NGFR: variants seen among roughly 807,000 people sequenced by gnomAD.
The protein encoded by NGFR is tumor necrosis factor receptor superfamily member 16.
Under a neutral mutation model 43.2 loss-of-function variants are expected in NGFR, and 30 were observed. The observed-to-expected ratio is 0.69, with a 90% confidence interval of 0.52 to 0.94. The LOEUF is 0.94. Ranked by LOEUF, NGFR falls within the 40% of genes least tolerant of loss-of-function variation. The probability of loss-of-function intolerance (pLI) is 0.00; values close to 1 mark genes in which losing one functional copy is unlikely to be tolerated. For synonymous variants in NGFR, 246 were observed against 259.6 expected, an observed-to-expected ratio of 0.95 and a Z score of 0.50; for missense variants, 529 against 602.5, an observed-to-expected ratio of 0.88 and a Z score of 1.28.
rs1444386886 is a variant in NGFR at position 49,514,050 on chromosome 17, A to T, written c.*1041A>T. 2 of 152,328 alleles carry T rather than the reference A, an allele frequency of 1.3e-5. No individual in the cohort carries two copies. Among genetic ancestry groups the T allele is most frequent in the Non-Finnish European group, 2.9e-5 (2 of 68,156 alleles). 9.4% of individuals were successfully genotyped at this position (152,328 alleles called of 1,614,324 possible). ...GGACCCCTCACCTTGCAACACACAG[A>T]CACACGCACACACACACACAGGAGG... On this transcript the variant is annotated 3_prime_UTR_variant, in exon 6 of 6. Coordinates refer to ENST00000172229, the MANE Select transcript of NGFR (RefSeq NM_002507.4).
At chr17:49,498,860 C>A (rs184574664) in intron 1 of NGFR, among the ~76,000 whole-genome samples, 2 of 152,166 alleles carry the variant, frequency 1.3e-5, no homozygotes, top group Admixed American at 6.5e-5. Context: ...TTAGTCACCC[C>A]TCCCTACTTG....
chr17:49,506,687 T>TGGGGGGG, intron 3 of NGFR, 29 bp downstream of exon 3: 1 of 128,682 alleles, frequency 7.8e-6, no homozygotes, highest in Non-Finnish European at 1.1e-5. Context: ...GCGGGGGGAG[T>TGGGGGGG]GGGGGTGCGG....
rs754805007 is a variant in NGFR, at chr17:49,512,999, C to T, written c.1274C>T (p.Ser425Phe). 13 of 1,565,716 alleles carry T rather than the reference C, an allele frequency of 8.3e-6. No individual in the cohort carries two copies. Among genetic ancestry groups the T allele is most frequent in the South Asian group, 1.2e-5 (1 of 85,780 alleles). The change falls in exon 6 of 6, where the codon TCC (serine) becomes TTC (phenylalanine). Residue 425 changes from serine to phenylalanine, a missense_variant. Physicochemically the swap from Ser to Phe is radical, Grantham distance 155 (BLOSUM62 -2). Coordinates refer to ENST00000172229, the MANE Select transcript of NGFR (RefSeq NM_002507.4). The surrounding 1 kb of genome is among the most constrained non-coding windows in gnomAD (Gnocchi z 5.2). ...ESLCSESTAT[S>F]PV is the part of the protein sequence containing the mutation. The stretch of plus-strand genomic sequence containing the variant: ...CTGTGCAGTGAGTCCACTGCCACAT[C>T]CCCGGTGTGAGCCCAACCGGGGAGC...
chr17:49,500,259 C>G (rs1393887414), intron 1 of NGFR, among the ~76,000 whole-genome samples: 1 of 152,178 alleles, frequency 6.6e-6, no homozygotes, highest in Admixed American at 6.5e-5. Flanking sequence ...ATGATGAGGG[C>G]AGCAAAGCCT....
rs756735300 is a variant in NGFR, at chr17:49,512,921, A to C, written c.1196A>C (p.Asp399Ala). Reference sequence around the variant, plus strand: ...GCCACCCAGGACAGCGCCACACTGGACGCCCTCCTGGCCGCCCTGCGCCGC... The same window carrying C: ...GCCACCCAGGACAGCGCCACACTGGCCGCCCTCCTGGCCGCCCTGCGCCGC... ...SWATQDSATL[D>A]ALLAALRRIQ... Residue 399 changes from aspartate (D) to alanine (A), a missense_variant, in exon 6 of 6, where the codon GAC becomes GCC. Asp to Ala is a moderately radical substitution (Grantham distance 126). Coordinates refer to ENST00000172229, the MANE Select transcript of NGFR (RefSeq NM_002507.4). This position sits in a 1 kb window ranked among gnomAD's most constrained non-coding sequence, Gnocchi z 5.2. 3.1e-6 allele frequency: 5 copies of C among 1,611,998 alleles called. No homozygotes were observed. Among genetic ancestry groups the C allele is most frequent in the African/African-American group, 2.7e-5 (2 of 74,838 alleles).
Position 49,495,490 on chromosome 17 carries a change from G to A in NGFR, c.66+7G>A, listed in dbSNP as rs968350144. ...GCTGTTGCTGCTTCTGGGGGTGAGTGTTAGCCGGAGGGGGCCCGCTCCCTT... is the reference window on the plus strand; with the variant it reads ...GCTGTTGCTGCTTCTGGGGGTGAGTATTAGCCGGAGGGGGCCCGCTCCCTT... On this transcript the variant is annotated splice_region_variant and intron_variant, in intron 1 of 5. Coordinates refer to ENST00000172229, the MANE Select transcript of NGFR (RefSeq NM_002507.4). This position sits in a 1 kb window ranked among gnomAD's most constrained non-coding sequence, Gnocchi z 6.4. 8.9e-6 allele frequency: 11 copies of A among 1,236,108 alleles called. No homozygotes were observed. The highest frequency in any genetic ancestry group is 4.6e-5 in the African/African-American group (3 of 64,646). 76.6% of individuals were successfully genotyped at this position (1,236,108 alleles called of 1,614,324 possible).
chr17:49,501,998 G>GTTGGGGGGGGTTCTTCCGGGGAATCA, intron 1 of NGFR, 65 bp from the exon 2 acceptor site: 1 of 508,524 alleles, frequency 2.0e-6, no homozygotes, highest in Non-Finnish European at 3.6e-6. Flanking sequence ...TTCCCCGGAA[G>GTTGGGGGGGGTTCTTCCGGGGAATCA]AACCCCCCCC....
intron 1 of NGFR, chr17:49,496,797 T>G (rs1046487014): frequency 3.1e-4 from 47 of 152,106 alleles, no homozygotes; most frequent in African/African-American, 1.1e-3. Flanking sequence ...CGCCTCGGAT[T>G]CTGTAGCGCG....
At position 49,514,539 on chromosome 17, in the gene NGFR, C is replaced by T. The variant is rs922579016; in HGVS notation, c.*1530C>T. 6.6e-6 allele frequency: 1 copy of T among 152,164 alleles called. No individual in the cohort carries two copies. The highest frequency in any genetic ancestry group is 1.5e-5 in the Non-Finnish European group (1 of 68,112). 9.4% of individuals were successfully genotyped at this position (152,164 alleles called of 1,614,324 possible). A position where few individuals can be genotyped will look rare whatever the true frequency, so the allele number is the denominator to read the frequency against. On this transcript the variant is annotated 3_prime_UTR_variant, in exon 6 of 6. Transcript: ENST00000172229. ...TGAAGTTGGAGTGAGTGTGGCTCCC[C>T]TCTATTTAGCATGACAAGCCCCAGG...
Position 49,506,671 on chromosome 17 carries a change from C to A in NGFR, c.568+13C>A. 8.6e-6 allele frequency: 1 copy of A among 116,710 alleles called. No homozygotes were observed. Among genetic ancestry groups the A allele is most frequent in the Non-Finnish European group, 1.0e-5 (1 of 95,878 alleles). The allele number at this position is 116,710 out of a possible 1,614,324, so 7.2% of individuals were successfully genotyped here. A position where few individuals can be genotyped will look rare whatever the true frequency, so the allele number is the denominator to read the frequency against. Reference sequence around the variant, plus strand: ...GCCGAGTGCGAGGGTGAGTGCGGTTCGGGGGGCGGGGGGAGTGGGGGTGCG... The same window carrying A: ...GCCGAGTGCGAGGGTGAGTGCGGTTAGGGGGGCGGGGGGAGTGGGGGTGCG... On this transcript the variant is annotated intron_variant, in intron 3 of 5. Coordinates refer to ENST00000172229, the MANE Select transcript of NGFR (RefSeq NM_002507.4).
chr17:49,501,589 G>A (rs2071167109), intron 1 of NGFR, among the ~76,000 whole-genome samples: 1 of 152,198 alleles, frequency 6.6e-6, no homozygotes, highest in African/African-American at 2.4e-5. Flanking sequence ...TTAGAAAAAG[G>A]CCCTCCTCTG....
At chr17:49,511,712 A>T (rs1008049183) in intron 4 of NGFR, among the ~76,000 whole-genome samples, 180 bp from the exon 5 acceptor site, 1 of 152,172 alleles carries the variant, frequency 6.6e-6, no homozygotes, top group Non-Finnish European at 1.5e-5. Context: ...CTCTGCCCTC[A>T]TGGAGCTTTC....
chr17:49,510,763 C>G (rs2071226644), intron 4 of NGFR, 99 bp downstream of exon 4: 6 of 1,461,000 alleles, frequency 4.1e-6, no homozygotes, highest in Non-Finnish European at 5.6e-6. Flanking sequence ...CCTTTTAACT[C>G]AACCCCAAAC....
intron 2 of NGFR, among the ~76,000 whole-genome samples, chr17:49,503,796 A>G (rs889626942): frequency 6.6e-6 from 1 of 152,092 alleles, no homozygotes; most frequent in Non-Finnish European, 1.5e-5. Context: ...ACCATCAGCT[A>G]TCCCAGAACC....
At chr17:49,507,186 T>A (rs1567740024) in intron 3 of NGFR, among the ~76,000 whole-genome samples, 1 of 152,176 alleles carries the variant, frequency 6.6e-6, no homozygotes, top group South Asian at 2.1e-4. Flanking sequence ...GAACCCACCC[T>A]GTCCTTGACT....
At chr17:49,500,809 TGATC>T (rs541340536) in intron 1 of NGFR, among the ~76,000 whole-genome samples, 1 of 152,310 alleles carries the variant, frequency 6.6e-6, no homozygotes, top group Admixed American at 6.5e-5. Flanking sequence ...CCTCCTGGGT[TGATC>T]CAACCTGTCT....
At position 49,512,825 on chromosome 17, in the gene NGFR, G is replaced by A; in HGVS notation, c.1100G>A (p.Gly367Asp). Residue 367 changes from glycine to aspartate, a missense_variant, in exon 6 of 6, where the codon GGC becomes GAC. By Grantham distance (94) the Gly-to-Asp change is moderately conservative. Transcript: ENST00000172229. The surrounding 1 kb of genome is among the most constrained non-coding windows in gnomAD (Gnocchi z 5.2). Reference protein sequence around the residue: ...DTWRHLAGELGYQPEHIDSFT... With the variant: ...DTWRHLAGELDYQPEHIDSFT... Reference sequence around the variant, plus strand: ...TGGCGGCACCTGGCGGGCGAGCTGGGCTACCAGCCCGAGCACATAGACTCC... The same window carrying A: ...TGGCGGCACCTGGCGGGCGAGCTGGACTACCAGCCCGAGCACATAGACTCC... The A allele has an allele frequency of 6.2e-7, 1 of 1,613,456 alleles. No individual in the cohort carries two copies. Among genetic ancestry groups the A allele is most frequent in the Non-Finnish European group, 8.5e-7 (1 of 1,179,972 alleles).
chr17:49,506,686 GTGGGGGTGCGGGGGTGGGCTGGGGGC>G, intron 3 of NGFR, 28 bp downstream of exon 3: 1 of 1,095,552 alleles, frequency 9.1e-7, no homozygotes, highest in Non-Finnish European at 1.2e-6. Flanking sequence ...GGCGGGGGGA[GTGGGGGTGCGGGGGTGGGCTGGGGGC>G]ATAAGGAAGG....
In NGFR at chr17:49,513,046, G is replaced by A. The variant is rs576462132; in HGVS notation, c.*37G>A. On this transcript the variant is annotated 3_prime_UTR_variant, in exon 6 of 6. Transcript: ENST00000172229. ...GAGCCCCCGCCCCGCCCCACATTCC[G>A]ACAACCGATGCTCCAGCCAACCCCT... is the stretch of plus-strand genomic sequence containing the variant. The A allele has an allele frequency of 5.4e-6, 8 of 1,469,104 alleles. No individual in the cohort carries two copies. The highest frequency in any genetic ancestry group is 2.5e-4 in the Middle Eastern group (1 of 4,020). The allele number at this position is 1,469,104 out of a possible 1,614,324, so 91.0% of individuals were successfully genotyped here.
Sources: allele counts gnomAD v4.1 joint callset (sites outside exome capture counted in the v4.1 genomes callset), GRCh38; gene constraint gnomAD v4.1.1; non-coding constraint Gnocchi (gnomAD v3.1); transcripts MANE v1.5; gene names NCBI Gene and HGNC (gene_info 2026-07-23, HGNC 2026-07-21).